Variants in RGS17 observed in about 807,000 individuals in gnomAD.
The protein encoded by RGS17 is regulator of G-protein signaling 17.
A neutral mutation model predicts 25.5 loss-of-function variants in RGS17; 12 were observed. The observed-to-expected ratio is 0.47, with a 90% confidence interval of 0.30 to 0.76. The LOEUF (loss-of-function observed/expected upper bound fraction) is 0.76, where lower values mean the gene tolerates loss of function less well. Among genes scored for constraint, RGS17 ranks in the 30% least tolerant of loss-of-function variants. The probability of loss-of-function intolerance (pLI) is 0.07; values close to 1 mark genes in which losing one functional copy is unlikely to be tolerated. For missense variants in RGS17, 196 were observed against 242.2 expected (o/e 0.81, Z 1.27); for synonymous variants, 71 against 76.9 (o/e 0.92, Z 0.40).
chr6:153,067,680 T>A (rs1856296), intron 1 of RGS17, among the ~76,000 whole-genome samples: 58,394 of 151,970 alleles, frequency 0.38, 11,900 homozygotes, highest in East Asian at 0.62. Context: ...AAATGGAAAG[T>A]TATTTCTTGT....
intron 3 of RGS17, 139 bp from the exon 4 acceptor site, chr6:153,024,635 T>C: frequency 1.5e-6 from 1 of 648,834 alleles, no homozygotes. Context: ...CAGTCCAGCC[T>C]GATGTGCCAA....
rs1779117367 is a variant in RGS17, at chr6:153,010,395, T to G, written c.*1179A>C. 1 of 151,960 alleles carries G rather than the reference T, an allele frequency of 6.6e-6. No homozygotes were observed. The highest frequency in any genetic ancestry group is 6.6e-5 in the Admixed American group (1 of 15,254). 9.4% of individuals were successfully genotyped at this position (151,960 alleles called of 1,614,324 possible). On this transcript the variant is annotated 3_prime_UTR_variant, in exon 5 of 5. Transcript: ENST00000206262. ...AAGATTTGAGCACTGTACTGCCTTT[T>G]AATGATGGATGAAAACTAATAGTTT...
At chr6:153,108,336 C>G (rs996352398) in intron 1 of RGS17, among the ~76,000 whole-genome samples, 19 of 152,146 alleles carry the variant, frequency 1.2e-4, no homozygotes, top group African/African-American at 3.9e-4. Flanking sequence ...CAAAATTCTT[C>G]TGCTTCAGTT....
Position 153,011,709 on chromosome 6 carries a change from G to T in RGS17, c.498C>A (p.Pro166=). The change falls in exon 5 of 5, where the codon CCC becomes CCA. Residue 166 remains proline (P), a synonymous_variant. Transcript: ENST00000206262. ...GGGCATCTTCATACATGTGAGGATT[G>T]GGATCCAACAGATTTCTATTGATCA... ...REVINRNLLD[P]NPHMYEDAQL... The T allele has an allele frequency of 1.2e-6, 2 of 1,612,964 alleles. No homozygotes were observed. The highest frequency in any genetic ancestry group is 1.7e-6 in the Non-Finnish European group (2 of 1,179,332).
intron 1 of RGS17, 37 bp from the exon 2 acceptor site, chr6:153,044,080 A>G: frequency 1.0e-6 from 1 of 986,074 alleles, no homozygotes; most frequent in Non-Finnish European, 1.6e-6. Context: ...GTATGAAAAA[A>G]GCAATAAGGA....
chr6:153,052,489 G>GT (rs1320276437), intron 1 of RGS17, among the ~76,000 whole-genome samples: 3 of 151,800 alleles, frequency 2.0e-5, no homozygotes, highest in African/African-American at 2.4e-5. Context: ...AGTAATTGTG[G>GT]TTTTTTGCCA....
intron 1 of RGS17, among the ~76,000 whole-genome samples, chr6:153,099,867 C>T (rs765023458): frequency 6.6e-6 from 1 of 152,090 alleles, no homozygotes; most frequent in African/African-American, 2.4e-5. Flanking sequence ...CACCTGGCAC[C>T]CAGTCCCTCA....
At chr6:153,037,241 G>C (rs939262726) in intron 2 of RGS17, among the ~76,000 whole-genome samples, 3 of 150,744 alleles carry the variant, frequency 2.0e-5, no homozygotes, top group Non-Finnish European at 3.0e-5. Flanking sequence ...AAGAAAAATG[G>C]TGCATAAAAA....
At position 153,098,952 on chromosome 6, in the gene RGS17, A is replaced by G. The variant is rs186433191; in HGVS notation, c.-26+32172T>C. Among the ~76,000 whole-genome samples the G allele has an allele frequency of 3.1e-3, 467 of 152,250 alleles. 1 individual carries two copies. The highest frequency in any genetic ancestry group is 0.014 in the Middle Eastern group (4 of 294). ...ACTAGAGCAGCAGATTTTTGGGGTC[A>G]ATGTTAAGTGATCATTTATTCTGAT... On this transcript the variant is annotated intron_variant, in intron 1 of 4. Coordinates refer to ENST00000206262, the MANE Select transcript of RGS17 (RefSeq NM_012419.5).
intron 1 of RGS17, among the ~76,000 whole-genome samples, chr6:153,087,358 T>C (rs1314297156): frequency 6.6e-6 from 1 of 152,194 alleles, no homozygotes; most frequent in Non-Finnish European, 1.5e-5. Context: ...TGAAAAATAT[T>C]TCACAACCTA....
chr6:153,094,575 A>C (rs1777180682), intron 1 of RGS17, among the ~76,000 whole-genome samples: 1 of 152,230 alleles, frequency 6.6e-6, no homozygotes. Context: ...ACTTTTAAGA[A>C]GGTTGACTCA....
Position 153,127,964 on chromosome 6 carries a change from T to G in RGS17, c.-26+3160A>C, listed in dbSNP as rs145550638. ...CATACTGTGCCAGGTGCTGGCACAA[T>G]AGCAGGAATGATCGTCTAAATGAAT... On this transcript the variant is annotated intron_variant, in intron 1 of 4. Transcript: ENST00000206262. Among the ~76,000 whole-genome samples the G allele has an allele frequency of 5.8e-4, 89 of 152,334 alleles. No individual in the cohort carries two copies. The East Asian group carries it at 0.016, about 27-fold the overall frequency.
intron 1 of RGS17, among the ~76,000 whole-genome samples, chr6:153,094,253 T>A (rs1438298302): frequency 3.6e-4 from 54 of 152,052 alleles, no homozygotes; most frequent in African/African-American, 1.3e-3. Context: ...TTTTTGTATT[T>A]TTTTTAGCAG....
chr6:153,096,970 C>A (rs1279752221), intron 1 of RGS17, among the ~76,000 whole-genome samples: 2 of 152,146 alleles, frequency 1.3e-5, no homozygotes, highest in Non-Finnish European at 2.9e-5. Context: ...GCATCAAGAA[C>A]CTGTTTGTTT....
chr6:153,050,784 G>A lies in RGS17; in HGVS notation c.-25-6741C>T, dbSNP rs914988476. 3.9e-5 allele frequency among the ~76,000 whole-genome samples: 6 copies of A among 152,086 alleles called. No individual in the cohort carries two copies. The South Asian group carries it at 1.0e-3, about 26-fold the overall frequency. ...ACAGTATATTTAACACCTTAAATTG[G>A]AAACAACCTGTTATGGACTGAATGT... is the stretch of plus-strand genomic sequence containing the variant. On this transcript the variant is annotated intron_variant, in intron 1 of 4. Transcript: ENST00000206262.
At chr6:153,073,402 C>T (rs1776834714) in intron 1 of RGS17, among the ~76,000 whole-genome samples, 1 of 152,130 alleles carries the variant, frequency 6.6e-6, no homozygotes, top group African/African-American at 2.4e-5. Flanking sequence ...CTTTGAAAAT[C>T]TGAGGATACT....
At chr6:153,018,340 G>C (rs1478643763) in intron 4 of RGS17, among the ~76,000 whole-genome samples, 2 of 152,120 alleles carry the variant, frequency 1.3e-5, no homozygotes, top group African/African-American at 2.4e-5. Flanking sequence ...TCTTGGGCTT[G>C]AATTCTATCT....
At chr6:153,071,699 C>T (rs957638528) in intron 1 of RGS17, among the ~76,000 whole-genome samples, 13 of 152,058 alleles carry the variant, frequency 8.5e-5, no homozygotes, top group African/African-American at 3.1e-4. Context: ...TAACCAATAA[C>T]AACTGTTTTG....
At chr6:153,098,977 T>G (rs774814466) in intron 1 of RGS17, among the ~76,000 whole-genome samples, 1 of 152,120 alleles carries the variant, frequency 6.6e-6, no homozygotes, top group Non-Finnish European at 1.5e-5. Flanking sequence ...TTTATTCTGA[T>G]TTGCTTGGAG....
Sources: gnomAD v4.1 joint callset for allele counts (sites outside exome capture counted in the v4.1 genomes callset) on GRCh38, gnomAD v4.1.1 for gene constraint, MANE v1.5 for transcripts, NCBI Gene and HGNC (gene_info 2026-07-23, HGNC 2026-07-21) for gene names.